Variants in PDE1C observed in about 807,000 individuals in gnomAD.
The protein encoded by PDE1C is phosphodiesterase 1C.
PDE1C carries 62 observed loss-of-function variants against 93.1 expected under a neutral mutation model. That is an observed-to-expected ratio of 0.67 (90% CI 0.54 to 0.82). PDE1C has a LOEUF of 0.82. Among genes scored for constraint, PDE1C ranks in the 40% least tolerant of loss-of-function variants. The pLI is 0.00. For missense variants in PDE1C, 742 were observed against 884.6 expected (o/e 0.84, Z 2.04); for synonymous variants, 325 against 310.1 (o/e 1.05, Z -0.50).
At chr7:32,017,860 C>G (rs771875515) in intron 2 of PDE1C, among the ~76,000 whole-genome samples, 1 of 152,076 alleles carries the variant, frequency 6.6e-6, no homozygotes, top group Non-Finnish European at 1.5e-5. Flanking sequence ...TGGTGGATTG[C>G]TTGAGTCCAA....
chr7:31,636,907 C>T, the PDE1C span, among the ~76,000 whole-genome samples: 1 of 123,510 alleles, frequency 8.1e-6, no homozygotes, highest in East Asian at 2.7e-4. Flanking sequence ...GACAACAGTC[C>T]CTGGTGTGTG....
intron 1 of PDE1C, among the ~76,000 whole-genome samples, chr7:32,410,618 C>T (rs1009053787): frequency 1.3e-5 from 2 of 152,144 alleles, no homozygotes; most frequent in African/African-American, 2.4e-5. Context: ...TCCTCACCTC[C>T]TTTGCCCTCT....
intron 16 of PDE1C, among the ~76,000 whole-genome samples, chr7:31,778,808 ACAG>A: frequency 6.6e-6 from 1 of 152,320 alleles, no homozygotes; most frequent in Middle Eastern, 3.4e-3. Context: ...ATCCCATTTT[ACAG>A]GATTTGAAGA....
At position 32,102,155 on chromosome 7, in the gene PDE1C, C is replaced by T. The variant is rs79536306; in HGVS notation, c.308+67630G>A. 5.1e-3 allele frequency among the ~76,000 whole-genome samples: 781 copies of T among 152,238 alleles called. 5 individuals are homozygous for T. The highest frequency in any genetic ancestry group is 0.018 in the African/African-American group (756 of 41,536). On this transcript the variant is annotated intron_variant, in intron 3 of 18. Transcript: ENST00000396193. ...ATGAGATTTGGTGGAGACAAAACAT[C>T]GAAACCCTATCAGTATTCTTGAAGA...
Position 32,070,282 on chromosome 7 carries a change from G to C in PDE1C, c.101+11C>G. 1.9e-6 allele frequency: 3 copies of C among 1,614,066 alleles called. No individual in the cohort carries two copies. Among genetic ancestry groups the C allele is most frequent in the Non-Finnish European group, 2.5e-6 (3 of 1,179,968 alleles). On this transcript the variant is annotated intron_variant, in intron 1 of 17. Transcript: ENST00000396191. Reference sequence around the variant, plus strand: ...GGAAATGGGGCAGGAGAAGTAAATAGGTATACTTACAGCCCGCGGAGCCGA... The same window carrying C: ...GGAAATGGGGCAGGAGAAGTAAATACGTATACTTACAGCCCGCGGAGCCGA...
chr7:31,670,250 GA>G, the PDE1C span, among the ~76,000 whole-genome samples: 3 of 152,306 alleles, frequency 2.0e-5, no homozygotes, highest in South Asian at 6.2e-4. Context: ...TCCGAAACCT[GA>G]AGTCCTCCAA....
chr7:31,788,991 G>A (rs896067236), intron 16 of PDE1C: 1 of 152,150 alleles, frequency 6.6e-6, no homozygotes. Context: ...GCTTTTTCAT[G>A]TAGAAATTAA....
At chr7:32,138,569 G>A (rs1800335206) in intron 3 of PDE1C, among the ~76,000 whole-genome samples, 1 of 151,942 alleles carries the variant, frequency 6.6e-6, no homozygotes, top group Admixed American at 6.6e-5. Context: ...CAGAATACTG[G>A]GCAGACCAAG....
the PDE1C span, among the ~76,000 whole-genome samples, chr7:31,640,590 G>A: frequency 6.6e-6 from 1 of 151,810 alleles, no homozygotes; most frequent in Non-Finnish European, 1.5e-5. Context: ...ACTTGTTCCT[G>A]TTTCTCAAGG....
intron 7 of PDE1C, among the ~76,000 whole-genome samples, chr7:31,853,644 G>A (rs1479231573): frequency 6.6e-6 from 1 of 151,934 alleles, no homozygotes; most frequent in Non-Finnish European, 1.5e-5. Flanking sequence ...CCCACTTCAG[G>A]AAGGATATTT....
chr7:32,301,236 C>T (rs927497037), upstream of PDE1C, among the ~76,000 whole-genome samples: 1 of 152,062 alleles, frequency 6.6e-6, no homozygotes, highest in Admixed American at 6.5e-5. Flanking sequence ...AAGTGAAGCA[C>T]ATGTCTTTTT....
intron 5 of PDE1C, among the ~76,000 whole-genome samples, chr7:31,875,834 T>A (rs1407460116): frequency 5.5e-5 from 7 of 127,926 alleles, no homozygotes; most frequent in African/African-American, 1.9e-4. Flanking sequence ...TATATATATA[T>A]AATGGAAAAA....
intron 2 of PDE1C, among the ~76,000 whole-genome samples, chr7:31,988,399 A>G (rs1305731806): frequency 6.6e-6 from 1 of 152,226 alleles, no homozygotes; most frequent in Non-Finnish European, 1.5e-5. Context: ...GTTATTTACA[A>G]ATCCTAACCA....
chr7:32,341,737 G>A (rs1299740653), intron 1 of PDE1C, among the ~76,000 whole-genome samples: 4 of 152,236 alleles, frequency 2.6e-5, no homozygotes, highest in East Asian at 1.9e-4. Flanking sequence ...CCATCAGTGC[G>A]TAACCCTGCA....
chr7:31,666,051 A>G, the PDE1C span, among the ~76,000 whole-genome samples: 1 of 152,168 alleles, frequency 6.6e-6, no homozygotes, highest in Non-Finnish European at 1.5e-5. Context: ...TCCCAAGACC[A>G]GGGAGCTGCT....
chr7:31,968,697 T>C (rs1810433307), intron 2 of PDE1C, among the ~76,000 whole-genome samples: 1 of 152,180 alleles, frequency 6.6e-6, no homozygotes, highest in Non-Finnish European at 1.5e-5. Flanking sequence ...TCATGCTACC[T>C]GACTTCAAAC....
chr7:32,265,961 TAC>T (rs1810541883), intron 1 of PDE1C, among the ~76,000 whole-genome samples: 1 of 131,426 alleles, frequency 7.6e-6, no homozygotes, highest in Non-Finnish European at 1.7e-5. Flanking sequence ...AGGAGAATAA[TAC>T]CAAGGAAGAT....
the PDE1C span, among the ~76,000 whole-genome samples, chr7:31,629,400 C>T: frequency 0.93 from 141,839 of 152,280 alleles, 66,415 homozygotes; most frequent in East Asian, 0.99. Flanking sequence ...CTCCATGCCA[C>T]GAAGCTCCAG....
At chr7:32,345,380 C>A (rs1162132426) in intron 1 of PDE1C, among the ~76,000 whole-genome samples, 1 of 152,186 alleles carries the variant, frequency 6.6e-6, no homozygotes, top group Non-Finnish European at 1.5e-5. Context: ...TCCCCAGTAT[C>A]TCAAATCAAG....
Sources: gnomAD v4.1 joint callset for allele counts (sites outside exome capture counted in the v4.1 genomes callset) on GRCh38, gnomAD v4.1.1 for gene constraint, MANE v1.5 for transcripts, NCBI Gene and HGNC (gene_info 2026-07-23, HGNC 2026-07-21) for gene names.